Variants in SATB2 observed in about 807,000 individuals in gnomAD.
SATB2 encodes the protein DNA-binding protein SATB2.
A neutral mutation model predicts 73.4 loss-of-function variants in SATB2; 1 was observed. That is an observed-to-expected ratio of 0.01 (90% CI 0.00 to 0.06). The LOEUF (loss-of-function observed/expected upper bound fraction) is 0.06. SATB2 is among the 10% of genes least tolerant of loss of function. The pLI, the probability that SATB2 is intolerant of heterozygous loss-of-function variation, is 1.00. For missense variants in SATB2, 459 were observed against 945.8 expected (o/e 0.49, Z 6.75); for synonymous variants, 397 against 367.0 (o/e 1.08, Z -0.93).
Position 199,447,795 on chromosome 2 carries a change from G to A in SATB2, c.169+8074C>T, listed in dbSNP as rs1386398577. 3.0e-5 allele frequency among the ~76,000 whole-genome samples: 3 copies of A among 99,872 alleles called. 1 individual carries two copies. Among genetic ancestry groups the A allele is most frequent in the South Asian group, 5.9e-4 (2 of 3,392 alleles). 65.5% of individuals were successfully genotyped at this position (99,872 alleles called of 152,430 possible). On this transcript the variant is annotated intron_variant, in intron 2 of 10. Coordinates refer to ENST00000417098, the MANE Select transcript of SATB2 (RefSeq NM_001172509.2). ...AGCTAATAAACACAACAAAGTATGCGAAAAGCACTTCAGTTTTTCTGCATC... is the reference window on the plus strand; with the variant it reads ...AGCTAATAAACACAACAAAGTATGCAAAAAGCACTTCAGTTTTTCTGCATC...
intron 10 of SATB2, among the ~76,000 whole-genome samples, chr2:199,292,266 T>C (rs532180735): frequency 2.2e-4 from 33 of 152,354 alleles, no homozygotes; most frequent in African/African-American, 7.5e-4. Context: ...AGGTTTTGAT[T>C]GAAAATGCTA....
chr2:199,332,920 A>G (rs1013131513), intron 7 of SATB2, among the ~76,000 whole-genome samples: 2 of 152,132 alleles, frequency 1.3e-5, no homozygotes, highest in African/African-American at 4.8e-5. Context: ...GAGCAATAAG[A>G]GAACTCACAC....
At chr2:199,275,543 T>G (rs1270185363) in intron 10 of SATB2, among the ~76,000 whole-genome samples, 3 of 152,092 alleles carry the variant, frequency 2.0e-5, no homozygotes, top group Admixed American at 6.5e-5. Context: ...ATTCGGAGGA[T>G]TCTCCTCCGA....
At chr2:199,418,698 A>C (rs1287196516) in intron 3 of SATB2, among the ~76,000 whole-genome samples, 1 of 152,198 alleles carries the variant, frequency 6.6e-6, no homozygotes, top group East Asian at 1.9e-4. Context: ...GTTTTGTTAC[A>C]CGTAATAGAA....
chr2:199,273,941 GC>G (rs1437532044), intron 10 of SATB2, among the ~76,000 whole-genome samples: 5 of 152,074 alleles, frequency 3.3e-5, no homozygotes, highest in African/African-American at 1.2e-4. Flanking sequence ...TGCAGCCATC[GC>G]CCACACCTTA....
Position 199,435,817 on chromosome 2 carries a change from C to G in SATB2, c.170-2303G>C, listed in dbSNP as rs1405803898. On this transcript the variant is annotated intron_variant, in intron 2 of 10. Coordinates refer to ENST00000417098, the MANE Select transcript of SATB2 (RefSeq NM_001172509.2). Reference sequence around the variant, plus strand: ...AAACCTTCCTAAGCAAGCATAATGGCATTTTATAGGACTCATTCATGAGAG... The same window carrying G: ...AAACCTTCCTAAGCAAGCATAATGGGATTTTATAGGACTCATTCATGAGAG... Among the ~76,000 whole-genome samples, 4 of 152,178 alleles carry G rather than the reference C, an allele frequency of 2.6e-5. No individual in the cohort carries two copies. In the East Asian group the frequency reaches 7.7e-4, roughly 29 times the overall value.
intron 3 of SATB2, among the ~76,000 whole-genome samples, chr2:199,408,653 A>G (rs4673339): frequency 0.32 from 47,274 of 146,078 alleles, 9,375 homozygotes; most frequent in Non-Finnish European, 0.44. Context: ...AAATGTATAC[A>G]AAGACTCCTG....
At chr2:199,344,856 A>G (rs1206712076) in intron 7 of SATB2, among the ~76,000 whole-genome samples, 1 of 151,774 alleles carries the variant, frequency 6.6e-6, no homozygotes, top group African/African-American at 2.4e-5. Context: ...ACAGCTAATC[A>G]CTCTTTAACT....
chr2:199,316,014 A>G (rs1687723043), intron 9 of SATB2, among the ~76,000 whole-genome samples: 1 of 152,128 alleles, frequency 6.6e-6, no homozygotes, highest in South Asian at 2.1e-4. Flanking sequence ...CACATCTTCA[A>G]TACAGAAAAT....
chr2:199,324,546 C>A (rs187374726), intron 8 of SATB2, among the ~76,000 whole-genome samples: 16 of 152,238 alleles, frequency 1.1e-4, no homozygotes, highest in Admixed American at 2.6e-4. Flanking sequence ...TTTCATAAAA[C>A]TAGGCTTCAC....
chr2:199,372,657 T>G (rs527471817), intron 5 of SATB2, among the ~76,000 whole-genome samples: 1 of 152,106 alleles, frequency 6.6e-6, no homozygotes, highest in Non-Finnish European at 1.5e-5. Flanking sequence ...GAAGGGAGAC[T>G]AACGAATGAA....
Position 199,389,084 on chromosome 2 carries a change from T to C in SATB2, c.347-7264A>G, listed in dbSNP as rs560935466. 5.2e-4 allele frequency among the ~76,000 whole-genome samples: 79 copies of C among 152,260 alleles called. 1 individual carries two copies. The highest frequency in any genetic ancestry group is 8.2e-4 in the Non-Finnish European group (56 of 67,968). ...TAATTCAGCCTGTGTTTCTAACCTG[T>C]GGCCTGACTGTGGTATATCATCAAA... is the stretch of plus-strand genomic sequence containing the variant. On this transcript the variant is annotated intron_variant, in intron 3 of 10. Transcript: ENST00000417098.
chr2:199,314,050 G>C (rs1029391290), intron 9 of SATB2, among the ~76,000 whole-genome samples: 2 of 152,036 alleles, frequency 1.3e-5, no homozygotes, highest in South Asian at 2.1e-4. Flanking sequence ...CAGCTGATGT[G>C]GTCTCATTTG....
At chr2:199,284,049 A>G (rs1415511654) in intron 10 of SATB2, among the ~76,000 whole-genome samples, 2 of 152,170 alleles carry the variant, frequency 1.3e-5, no homozygotes, top group Non-Finnish European at 2.9e-5. Flanking sequence ...TGAGCCTATC[A>G]CTCCAGGAAA....
chr2:199,407,661 T>A (rs1690676259), intron 3 of SATB2, among the ~76,000 whole-genome samples: 1 of 152,144 alleles, frequency 6.6e-6, no homozygotes. Context: ...CCCACCTATT[T>A]CCATTTTATC....
rs1553549696 is a variant in SATB2 at position 199,338,933 on chromosome 2, A to AG, written c.1173+9767_1173+9768insC. Reference sequence around the variant, plus strand: ...ACTCTGTCTTAAAAAAAAAAAAAAAAAAAGAAAGAAAGAACAAGACAGACC... The same window carrying AG: ...ACTCTGTCTTAAAAAAAAAAAAAAAAGAAAGAAAGAAAGAACAAGACAGACC... On this transcript the variant is annotated intron_variant, in intron 7 of 10. Transcript: ENST00000417098. Among the ~76,000 whole-genome samples, 237 of 150,124 alleles carry AG rather than the reference A, an allele frequency of 1.6e-3. 2 individuals carry two copies. The highest frequency in any genetic ancestry group is 3.4e-3 in the Middle Eastern group (1 of 292).
At chr2:199,339,526 C>T (rs886920799) in intron 7 of SATB2, among the ~76,000 whole-genome samples, 6 of 152,124 alleles carry the variant, frequency 3.9e-5, no homozygotes, top group African/African-American at 1.4e-4. Context: ...TTCATATTTA[C>T]AGCTCATCTT....
rs1183863165 is a variant in SATB2 at position 199,348,764 on chromosome 2, A to T, written c.1110T>A (p.Asp370Glu). Residue 370 changes from aspartate to glutamate, a missense_variant, in exon 7 of 11, where the codon GAT becomes GAA. Coordinates refer to ENST00000417098, the MANE Select transcript of SATB2 (RefSeq NM_001172509.2). The stretch of plus-strand genomic sequence containing the variant: ...GGGACACACTGGCCCTCTTCAGCTC[A>T]TCTCTGACTTGCTGGTAGATATCTG... Reference protein sequence around the residue: ...VSPDIYQQVRDELKRASVSQA... With the variant: ...VSPDIYQQVREELKRASVSQA... The T allele has an allele frequency of 6.2e-7, 1 of 1,601,152 alleles. No homozygotes were observed.
At chr2:199,281,369 C>T (rs1692488718) in intron 10 of SATB2, among the ~76,000 whole-genome samples, 1 of 151,758 alleles carries the variant, frequency 6.6e-6, no homozygotes, top group Admixed American at 6.6e-5. Flanking sequence ...AAAACAGTTT[C>T]CCAGGTGGTC....
Sources: allele counts gnomAD v4.1 joint callset (sites outside exome capture counted in the v4.1 genomes callset), GRCh38; gene constraint gnomAD v4.1.1; transcripts MANE v1.5; gene names NCBI Gene and HGNC (gene_info 2026-07-23, HGNC 2026-07-21).